The following CLSTN2 variants were observed in gnomAD, a reference collection of about 807,000 sequenced individuals.
CLSTN2 encodes the protein calsyntenin 2.
In CLSTN2, 48 loss-of-function variants were observed where a neutral mutation model predicts 101.2. The ratio of observed to expected loss-of-function variants is 0.47; its 90% CI spans 0.38 to 0.60. The LOEUF is 0.60. CLSTN2 is among the 20% of genes least tolerant of loss of function. The pLI, the probability that CLSTN2 is intolerant of heterozygous loss-of-function variation, is 0.00. For synonymous variants in CLSTN2, 481 were observed against 463.6 expected (o/e 1.04, Z -0.48); for missense variants, 1,160 against 1,238.2 (o/e 0.94, Z 0.95).
chr3:140,566,858 C>T lies in CLSTN2; in HGVS notation c.*605C>T, dbSNP rs903291964. 2 of 153,664 alleles carry T rather than the reference C, an allele frequency of 1.3e-5. No homozygotes were observed. Among genetic ancestry groups the T allele is most frequent in the South Asian group, 2.0e-4 (1 of 4,884 alleles). 9.5% of individuals were successfully genotyped at this position (153,664 alleles called of 1,614,324 possible). On this transcript the variant is annotated 3_prime_UTR_variant, in exon 17 of 17. Transcript: ENST00000458420. Reference sequence around the variant, plus strand: ...GTTCCCCAGCTTGGAGAGCCTTTCCCCTTGCTTCTTTCTGAGGCCATATAA... The same window carrying T: ...GTTCCCCAGCTTGGAGAGCCTTTCCTCTTGCTTCTTTCTGAGGCCATATAA...
intron 2 of CLSTN2, among the ~76,000 whole-genome samples, chr3:140,392,310 A>G (rs1310807113): frequency 6.6e-6 from 1 of 151,984 alleles, no homozygotes; most frequent in African/African-American, 2.4e-5. Flanking sequence ...TATCAAATAA[A>G]AAATTGTTAA....
chr3:140,203,458 T>TG (rs372473515), intron 2 of CLSTN2, among the ~76,000 whole-genome samples: 2 of 108,400 alleles, frequency 1.8e-5, no homozygotes, highest in African/African-American at 6.9e-5. Flanking sequence ...AGAGAAAGTG[T>TG]GGGTTTTTTT....
intron 2 of CLSTN2, among the ~76,000 whole-genome samples, chr3:140,208,541 G>A (rs1368034004): frequency 6.6e-6 from 1 of 152,106 alleles, no homozygotes; most frequent in Non-Finnish European, 1.5e-5. Context: ...TGTTCTCAGT[G>A]CATGATGTGT....
intron 2 of CLSTN2, among the ~76,000 whole-genome samples, chr3:140,244,599 A>G (rs775339099): frequency 1.8e-4 from 28 of 152,330 alleles, no homozygotes; most frequent in Admixed American, 3.3e-4. Context: ...TGGCACATAC[A>G]TAATAGCTGC....
At chr3:140,358,894 G>T (rs1043247672) in intron 2 of CLSTN2, among the ~76,000 whole-genome samples, 3 of 152,016 alleles carry the variant, frequency 2.0e-5, no homozygotes, top group African/African-American at 7.3e-5. Context: ...TCCCTGCATG[G>T]GTACACACCA....
intron 2 of CLSTN2, among the ~76,000 whole-genome samples, chr3:140,288,899 C>T (rs1244884415): frequency 6.6e-6 from 1 of 152,118 alleles, no homozygotes; most frequent in Non-Finnish European, 1.5e-5. Context: ...TTCATACCCA[C>T]CTCCCAGTTG....
chr3:140,046,623 A>G (rs1258892575), intron 1 of CLSTN2, among the ~76,000 whole-genome samples: 5 of 150,620 alleles, frequency 3.3e-5, no homozygotes, highest in African/African-American at 1.3e-4. Context: ...GGTCTTTACA[A>G]TTTGGCATGT....
chr3:140,085,933 A>G (rs987251556), intron 1 of CLSTN2, among the ~76,000 whole-genome samples: 5 of 152,216 alleles, frequency 3.3e-5, no homozygotes, highest in Non-Finnish European at 2.9e-5. Context: ...GCTAAAGTAC[A>G]GATCACTTGG....
intron 1 of CLSTN2, among the ~76,000 whole-genome samples, chr3:140,004,752 T>C (rs966336215): frequency 3.3e-5 from 5 of 152,204 alleles, no homozygotes; most frequent in African/African-American, 1.2e-4. Context: ...GAGAGGCTGC[T>C]TGTGCTAATT....
intron 1 of CLSTN2, among the ~76,000 whole-genome samples, chr3:140,126,906 T>A (rs2009442597): frequency 6.6e-6 from 1 of 152,038 alleles, no homozygotes; most frequent in Non-Finnish European, 1.5e-5. Flanking sequence ...TAACCCATCG[T>A]GGGGTGGGTT....
Position 140,176,068 on chromosome 3 carries a change from T to C in CLSTN2, c.227T>C (p.Phe76Ser), listed in dbSNP as rs1238028622. 6.2e-7 allele frequency: 1 copy of C among 1,613,762 alleles called. No homozygotes were observed. The highest frequency in any genetic ancestry group is 1.1e-5 in the South Asian group (1 of 91,044). Reference sequence around the variant, plus strand: ...CTGGATAAAGATGCACCGGTTCCTTTTGCAGGTGAGATTATGGCTTCGTAC... The same window carrying C: ...CTGGATAAAGATGCACCGGTTCCTTCTGCAGGTGAGATTATGGCTTCGTAC... The part of the protein sequence containing the change: ...VALDKDAPVP[F>S]AGEICAFKIH... Residue 76 changes from phenylalanine to serine, a missense_variant, in exon 2 of 17, where the codon TTT becomes TCT. Phe to Ser is a radical substitution (Grantham distance 155). Transcript: ENST00000458420.
intron 2 of CLSTN2, among the ~76,000 whole-genome samples, chr3:140,343,954 G>A (rs751063108): frequency 2.6e-5 from 4 of 152,116 alleles, no homozygotes; most frequent in Non-Finnish European, 5.9e-5. Context: ...TGCCAGGCAC[G>A]GATGACTACC....
chr3:140,445,626 AG>A (rs1397486861), intron 5 of CLSTN2, among the ~76,000 whole-genome samples: 1 of 152,164 alleles, frequency 6.6e-6, no homozygotes, highest in Non-Finnish European at 1.5e-5. Flanking sequence ...TATATAGAGA[AG>A]GGATAGATGG....
chr3:140,132,465 G>A (rs529993100), intron 1 of CLSTN2, among the ~76,000 whole-genome samples: 10 of 152,258 alleles, frequency 6.6e-5, no homozygotes, highest in African/African-American at 2.4e-4. Context: ...GAAAGAAGGG[G>A]TGAGGCAGGA....
At chr3:140,358,964 A>T (rs1377793421) in intron 2 of CLSTN2, among the ~76,000 whole-genome samples, 1 of 152,144 alleles carries the variant, frequency 6.6e-6, no homozygotes, top group African/African-American at 2.4e-5. Context: ...ATCACCTCCC[A>T]GGCAGGACTG....
intron 9 of CLSTN2, among the ~76,000 whole-genome samples, chr3:140,536,815 A>T (rs1935368080): frequency 6.6e-6 from 1 of 152,216 alleles, no homozygotes; most frequent in Non-Finnish European, 1.5e-5. Context: ...CCGTGTATTC[A>T]GGGTTCCTTA....
intron 1 of CLSTN2, among the ~76,000 whole-genome samples, chr3:139,937,917 G>C (rs981429243): frequency 6.6e-6 from 1 of 151,900 alleles, no homozygotes; most frequent in Non-Finnish European, 1.5e-5. Flanking sequence ...TTTTTTTCAA[G>C]ATAAATGTGT....
At chr3:140,489,742 C>CTA (rs1934306721) in intron 8 of CLSTN2, among the ~76,000 whole-genome samples, 1 of 151,882 alleles carries the variant, frequency 6.6e-6, no homozygotes, top group East Asian at 1.9e-4. Flanking sequence ...CAGGCCCTTG[C>CTA]TATGCATTTT....
chr3:140,158,675 A>T (rs2009995683), intron 1 of CLSTN2, among the ~76,000 whole-genome samples: 1 of 152,194 alleles, frequency 6.6e-6, no homozygotes, highest in Admixed American at 6.5e-5. Context: ...CAGAATCGGA[A>T]AAAAAGACTC....
Sources: gnomAD v4.1 joint callset for allele counts (sites outside exome capture counted in the v4.1 genomes callset) on GRCh38, gnomAD v4.1.1 for gene constraint, MANE v1.5 for transcripts, NCBI Gene and HGNC (gene_info 2026-07-23, HGNC 2026-07-21) for gene names.